PRDM10: variants seen among roughly 807,000 people sequenced by gnomAD.
The protein encoded by PRDM10 is PR/SET domain 10, also known as PR domain zinc finger protein 10.
Under a neutral mutation model 133.1 loss-of-function variants are expected in PRDM10, and 65 were observed. The observed-to-expected ratio is 0.49, with a 90% CI of 0.40 to 0.60. The LOEUF is 0.60. Ranked by LOEUF, PRDM10 falls within the 20% of genes least tolerant of loss-of-function variation. The pLI is 0.00. For synonymous variants in PRDM10, 582 were observed against 580.4 expected, an observed-to-expected ratio of 1.00 and a Z score of -0.04; for missense variants, 1,137 against 1,507.1, an observed-to-expected ratio of 0.75 and a Z score of 4.07.
At chr11:129,937,714 G>C (rs1394242900) in intron 7 of PRDM10, 44 bp from the exon 8 acceptor site, 1 of 1,526,972 alleles carries the variant, frequency 6.5e-7, no homozygotes, top group South Asian at 1.2e-5. Flanking sequence ...GACATCACCA[G>C]ATGTTCTTTG....
In PRDM10 at chr11:129,902,288, C is replaced by T. The variant is rs1347394026; in HGVS notation, c.*25G>A. The T allele has an allele frequency of 6.2e-7, 1 of 1,610,792 alleles. No individual in the cohort carries two copies. The highest frequency in any genetic ancestry group is 2.2e-5 in the East Asian group (1 of 44,864). On this transcript the variant is annotated 3_prime_UTR_variant, in exon 21 of 21. Transcript: ENST00000360871. ...TATGAGAACAGACATGAGGTGGGTG[C>T]TGGATTCAAGCTCCAGGGTGGAAGT...
rs1951394075 is a variant in PRDM10 at position 129,945,970 on chromosome 11, G to A, written c.521-958C>T. On this transcript the variant is annotated intron_variant, in intron 5 of 20. Transcript: ENST00000360871. The surrounding 1 kb of genome is among the most constrained non-coding windows in gnomAD (Gnocchi z 4.2). ...GTAAGAATTTTTCCCAGGTGCAGTG[G>A]CTCAGCCTGTAATCCCAGCACTTTG... Among the ~76,000 whole-genome samples, 1 of 152,074 alleles carries A rather than the reference G, an allele frequency of 6.6e-6. No individual in the cohort carries two copies. Among genetic ancestry groups the A allele is most frequent in the South Asian group, 2.1e-4 (1 of 4,822 alleles).
At chr11:129,966,037 A>G (rs1951900472) in intron 1 of PRDM10, among the ~76,000 whole-genome samples, 1 of 152,138 alleles carries the variant, frequency 6.6e-6, no homozygotes, top group Admixed American at 6.5e-5. Flanking sequence ...TGAGGTCAGG[A>G]GTTCGAGACC....
At chr11:129,904,775 T>C (rs987809003) in intron 20 of PRDM10, among the ~76,000 whole-genome samples, 3 of 152,218 alleles carry the variant, frequency 2.0e-5, no homozygotes, top group Admixed American at 6.5e-5. Context: ...GTTGGGATTA[T>C]AGGCGTGAGC....
chr11:129,982,289 CGT>C (rs957393089), intron 1 of PRDM10, among the ~76,000 whole-genome samples: 6 of 150,018 alleles, frequency 4.0e-5, no homozygotes, highest in African/African-American at 1.2e-4. Flanking sequence ...TGTGTGCGCG[CGT>C]GTGTGTGTAT....
chr11:129,966,227 A>G (rs1226971953), intron 1 of PRDM10, among the ~76,000 whole-genome samples: 1 of 152,184 alleles, frequency 6.6e-6, no homozygotes, highest in Non-Finnish European at 1.5e-5. Context: ...CTAGGCAACA[A>G]GAGGGAGACT....
intron 6 of PRDM10, among the ~76,000 whole-genome samples, chr11:129,944,239 G>C (rs888568254): frequency 6.6e-6 from 1 of 151,982 alleles, no homozygotes; most frequent in African/African-American, 2.4e-5. Context: ...ATTTTACTAC[G>C]GCAACCCTAG....
At chr11:129,959,304 T>G (rs1409677719) in intron 2 of PRDM10, among the ~76,000 whole-genome samples, 1 of 152,242 alleles carries the variant, frequency 6.6e-6, no homozygotes, top group Non-Finnish European at 1.5e-5. Context: ...GTTTGTCTAT[T>G]GGAAAAATTA....
At chr11:129,958,292 C>A (rs1355414687) in intron 2 of PRDM10, among the ~76,000 whole-genome samples, 1 of 152,148 alleles carries the variant, frequency 6.6e-6, no homozygotes, top group Non-Finnish European at 1.5e-5. Flanking sequence ...GCTGTCAACA[C>A]ATCATAAGAA....
At chr11:129,930,223 T>C (rs1464307076) in intron 11 of PRDM10, among the ~76,000 whole-genome samples, 1 of 152,250 alleles carries the variant, frequency 6.6e-6, no homozygotes, top group Non-Finnish European at 1.5e-5. Context: ...CTCTTTCATC[T>C]ACTGGAAAGT....
rs1245639540 is a variant in PRDM10, at chr11:129,947,105, G to A, written c.520+40C>T. On this transcript the variant is annotated intron_variant, in intron 5 of 20. Coordinates refer to ENST00000360871, the MANE Select transcript of PRDM10 (RefSeq NM_199437.2). The surrounding 1 kb of genome is among the most constrained non-coding windows in gnomAD (Gnocchi z 4.6). Reference sequence around the variant, plus strand: ...GCACACGTACACAGACACACAAGATGGACACAGCTTCCCTGGGGGAGACCC... The same window carrying A: ...GCACACGTACACAGACACACAAGATAGACACAGCTTCCCTGGGGGAGACCC... 60 of 1,605,582 alleles carry A rather than the reference G, an allele frequency of 3.7e-5. No homozygotes were observed. The Admixed American group carries it at 1.0e-3, about 27-fold the overall frequency.
At position 129,913,219 on chromosome 11, in the gene PRDM10, CAAA is replaced by C. The variant is rs750114740; in HGVS notation, c.2842-997_2842-995del. On this transcript the variant is annotated intron_variant, in intron 17 of 20. Coordinates refer to ENST00000360871, the MANE Select transcript of PRDM10 (RefSeq NM_199437.2). ...GGTGACAATAGTGAGACCCTGTCTC[CAAA>C]AAAAAAAAAAAAAAAAAACCAAAAA... Among the ~76,000 whole-genome samples the C allele has an allele frequency of 3.7e-4, 29 of 78,848 alleles. 1 individual carries two copies. The highest frequency in any genetic ancestry group is 9.1e-4 in the Admixed American group (6 of 6,582). The allele number at this position is 78,848 out of a possible 152,430, so 51.7% of individuals were successfully genotyped here. A position where few individuals can be genotyped will look rare whatever the true frequency, so the allele number is the denominator to read the frequency against.
chr11:129,917,190 C>T lies in PRDM10; in HGVS notation c.2262G>A (p.Val754=). 3 of 1,613,836 alleles carry T rather than the reference C, an allele frequency of 1.9e-6. No homozygotes were observed. Among genetic ancestry groups the T allele is most frequent in the Non-Finnish European group, 2.5e-6 (3 of 1,179,778 alleles). ...TTATGATGGGTAGAGTTAACTCTGG[C>T]ACCTCTTCTATCTTCATGTCTGGGT... The part of the protein sequence containing the change: ...KRHPDMKIEE[V]PELTLPIIKP... Residue 754 remains valine, a synonymous_variant, in exon 15 of 21, where the codon GTG becomes GTA. Coordinates refer to ENST00000360871, the MANE Select transcript of PRDM10 (RefSeq NM_199437.2).
At chr11:129,975,412 C>T (rs547357681) in intron 1 of PRDM10, among the ~76,000 whole-genome samples, 29 of 150,362 alleles carry the variant, frequency 1.9e-4, no homozygotes, top group African/African-American at 6.1e-4. Context: ...ATAACAGGCG[C>T]GAATCTCCAT....
At chr11:129,946,143 G>A (rs113200899) in intron 5 of PRDM10, among the ~76,000 whole-genome samples, 56 of 152,082 alleles carry the variant, frequency 3.7e-4, no homozygotes, top group African/African-American at 6.8e-4. Context: ...ACTCTACTCC[G>A]GAGGCTGAGG....
chr11:129,999,881 A>C (rs1173581212), intron 1 of PRDM10, among the ~76,000 whole-genome samples: 1 of 152,172 alleles, frequency 6.6e-6, no homozygotes, highest in Non-Finnish European at 1.5e-5. Context: ...GTCTTTAGAC[A>C]CCTATTTACG....
rs146634486 is a variant in PRDM10 at position 129,926,507 on chromosome 11, T to C, written c.1531-1278A>G. 4.1e-3 allele frequency among the ~76,000 whole-genome samples: 620 copies of C among 152,346 alleles called. 10 individuals carry two copies. The highest frequency in any genetic ancestry group is 0.014 in the African/African-American group (592 of 41,578). ...TAGTGCGATCTTAACTTCAAATTACTTGTAAGCATCAACTTTTAAACTAAA... is the reference window on the plus strand; with the variant it reads ...TAGTGCGATCTTAACTTCAAATTACCTGTAAGCATCAACTTTTAAACTAAA... On this transcript the variant is annotated intron_variant, in intron 11 of 20. Transcript: ENST00000360871.
At chr11:129,994,057 C>A (rs2135999978) in intron 1 of PRDM10, among the ~76,000 whole-genome samples, 1 of 152,124 alleles carries the variant, frequency 6.6e-6, no homozygotes, top group South Asian at 2.1e-4. Context: ...TTAGAATTTT[C>A]TATATCTGTT....
rs1375152056 is a variant in PRDM10, at chr11:129,947,200, C to T, written c.465G>A (p.Thr155=). The change falls in exon 5 of 21, where the codon ACG becomes ACA. Residue 155 remains threonine (T), a synonymous_variant. Coordinates refer to ENST00000360871, the MANE Select transcript of PRDM10 (RefSeq NM_199437.2). This position sits in a 1 kb window ranked among gnomAD's most constrained non-coding sequence, Gnocchi z 4.6. The stretch of plus-strand genomic sequence containing the variant: ...GGTCTGGCTCCCAGTCATCCAGATC[C>T]GTGTCCTCACCGTCTTCTTCCTCAT... ...EEDEEEDGED[T]DLDDWEPDPP... 13 of 1,614,042 alleles carry T rather than the reference C, an allele frequency of 8.1e-6. No individual in the cohort carries two copies. Among genetic ancestry groups the T allele is most frequent in the Middle Eastern group, 1.6e-4 (1 of 6,084 alleles).
Sources: gnomAD v4.1 joint callset for allele counts (sites outside exome capture counted in the v4.1 genomes callset) on GRCh38, gnomAD v4.1.1 for gene constraint, Gnocchi (gnomAD v3.1) non-coding constraint, MANE v1.5 for transcripts, NCBI Gene and HGNC (gene_info 2026-07-23, HGNC 2026-07-21) for gene names.